AIMP1: variants seen among roughly 807,000 people sequenced by gnomAD.
The protein encoded by AIMP1 is aminoacyl tRNA synthetase complex interacting multifunctional protein 1.
A neutral mutation model predicts 33.1 loss-of-function variants in AIMP1; 24 were observed. The observed-to-expected ratio is 0.73, with a 90% CI of 0.53 to 1.02. The LOEUF (loss-of-function observed/expected upper bound fraction) is 1.02, where lower values mean the gene tolerates loss of function less well. AIMP1 is among the 50% of genes least tolerant of loss of function. AIMP1 has a pLI of 0.00. For synonymous variants in AIMP1, 120 were observed against 121.5 expected (o/e 0.99, Z 0.08); for missense variants, 367 against 364.8 (o/e 1.01, Z -0.05).
intron 5 of AIMP1, among the ~76,000 whole-genome samples, chr4:106,333,161 A>T (rs1769744995): frequency 6.6e-6 from 1 of 152,034 alleles, no homozygotes; most frequent in African/African-American, 2.4e-5. Context: ...ATTATTTGGT[A>T]TTTATCTTTA....
chr4:106,326,977 A>G (rs923105394), intron 2 of AIMP1, among the ~76,000 whole-genome samples: 1 of 152,012 alleles, frequency 6.6e-6, no homozygotes, highest in Non-Finnish European at 1.5e-5. Context: ...GGGTTTTGCC[A>G]TGTTGCCCAG....
At chr4:106,316,870 G>A in intron 1 of AIMP1, 2 of 411,564 alleles carry the variant, frequency 4.9e-6, no homozygotes, top group East Asian at 3.9e-5. Flanking sequence ...GTGAATGTGT[G>A]TGTCAAAGGA....
At chr4:106,319,244 T>A (rs1191497717) in intron 1 of AIMP1, among the ~76,000 whole-genome samples, 1 of 152,070 alleles carries the variant, frequency 6.6e-6, no homozygotes, top group African/African-American at 2.4e-5. Context: ...GGGGCAGAGA[T>A]TTTGCTTTTT....
chr4:106,340,268 C>T (rs1355890013), intron 6 of AIMP1, among the ~76,000 whole-genome samples: 1 of 149,128 alleles, frequency 6.7e-6, no homozygotes, highest in Non-Finnish European at 1.5e-5. Flanking sequence ...TAAAATTAAA[C>T]TAAGGTTTTT....
At chr4:106,317,134 G>A (rs917972014) in intron 1 of AIMP1, among the ~76,000 whole-genome samples, 1 of 152,158 alleles carries the variant, frequency 6.6e-6, no homozygotes, top group African/African-American at 2.4e-5. Flanking sequence ...GGGAAGAAGG[G>A]TATAAAGTGA....
In AIMP1 at chr4:106,347,448, A is replaced by C. The variant is rs1057246337; in HGVS notation, c.773-78A>C. ...AAATGTTGCCAAAACAATTCACTGG[A>C]AATCTCTGTGAATAGTCTCTTTAAT... On this transcript the variant is annotated intron_variant, in intron 6 of 6. Transcript: ENST00000672341. 53 of 1,346,398 alleles carry C rather than the reference A, an allele frequency of 3.9e-5. No homozygotes were observed. The African/African-American group carries it at 6.8e-4, about 17-fold the overall frequency. 83.4% of individuals were successfully genotyped at this position (1,346,398 alleles called of 1,614,324 possible). A position where few individuals can be genotyped will look rare whatever the true frequency, so the allele number is the denominator to read the frequency against.
chr4:106,344,344 C>G (rs928247316), intron 6 of AIMP1, among the ~76,000 whole-genome samples: 1 of 152,092 alleles, frequency 6.6e-6, no homozygotes, highest in African/African-American at 2.4e-5. Flanking sequence ...ATTCTTCCCC[C>G]TAGACTTTCA....
chr4:106,342,885 C>G (rs939705708), intron 6 of AIMP1, among the ~76,000 whole-genome samples: 1 of 149,308 alleles, frequency 6.7e-6, no homozygotes, highest in Admixed American at 6.7e-5. Flanking sequence ...AATTCAGCTG[C>G]GAATCTATCC....
At chr4:106,318,177 C>A (rs1242428343) in intron 1 of AIMP1, among the ~76,000 whole-genome samples, 2 of 152,134 alleles carry the variant, frequency 1.3e-5, no homozygotes, top group African/African-American at 4.8e-5. Context: ...TTTAGATATT[C>A]TTTTTATAGG....
rs1409506101 is a variant in AIMP1 at position 106,334,499 on chromosome 4, A to G, written c.604-2370A>G. Among the ~76,000 whole-genome samples the G allele has an allele frequency of 4.6e-5, 7 of 152,192 alleles. No homozygotes were observed. The East Asian group carries it at 1.4e-3, about 29-fold the overall frequency. On this transcript the variant is annotated intron_variant, in intron 5 of 6. Transcript: ENST00000672341. ...AGGCTGGTCTCAAACTCCTGACCTCAGGTGATCCGCCTGCCTTGGCCTCCC... is the reference window on the plus strand; with the variant it reads ...AGGCTGGTCTCAAACTCCTGACCTCGGGTGATCCGCCTGCCTTGGCCTCCC...
Position 106,328,126 on chromosome 4 carries a change from G to A in AIMP1, c.274G>A (p.Val92Ile). 1 of 1,613,390 alleles carries A rather than the reference G, an allele frequency of 6.2e-7. No individual in the cohort carries two copies. The highest frequency in any genetic ancestry group is 8.5e-7 in the Non-Finnish European group (1 of 1,179,682). Reference sequence around the variant, plus strand: ...TACTCCACTGCACGCTAATTCTATGGTTTCTGAAAATGTGATACAGTCTAC... The same window carrying A: ...TACTCCACTGCACGCTAATTCTATGATTTCTGAAAATGTGATACAGTCTAC... Reference protein sequence around the residue: ...SGTPLHANSMVSENVIQSTAV... With the variant: ...SGTPLHANSMISENVIQSTAV... The change falls in exon 4 of 7, where the codon GTT (valine) becomes ATT (isoleucine). Residue 92 changes from valine (V) to isoleucine (I), a missense_variant. Transcript: ENST00000672341.
At chr4:106,322,628 CT>C (rs1311026637) in intron 1 of AIMP1, among the ~76,000 whole-genome samples, 1 of 152,136 alleles carries the variant, frequency 6.6e-6, no homozygotes, top group Non-Finnish European at 1.5e-5. Context: ...CAAGATGAGA[CT>C]TTTTAACATT....
chr4:106,343,050 A>G (rs1770159137), intron 6 of AIMP1, among the ~76,000 whole-genome samples: 1 of 151,952 alleles, frequency 6.6e-6, no homozygotes, highest in African/African-American at 2.4e-5. Context: ...GACTATGGGC[A>G]TGCGCCACCA....
chr4:106,317,003 C>T (rs1191653797), intron 1 of AIMP1, among the ~76,000 whole-genome samples: 1 of 152,176 alleles, frequency 6.6e-6, no homozygotes, highest in Non-Finnish European at 1.5e-5. Context: ...GTGAACAAAA[C>T]AGACGGAAAT....
At position 106,328,209 on chromosome 4, in the gene AIMP1, C is replaced by G. The variant is rs146841053; in HGVS notation, c.357C>G (p.Asp119Glu). 3.7e-6 allele frequency: 6 copies of G among 1,610,524 alleles called. No individual in the cohort carries two copies. In the East Asian group the frequency reaches 1.1e-4, roughly 30 times the overall value. The change falls in exon 4 of 7, where the codon GAC (aspartate) becomes GAG (glutamate). Residue 119 changes from aspartate (D) to glutamate (E), a missense_variant. Coordinates refer to ENST00000672341, the MANE Select transcript of AIMP1 (RefSeq NM_001142416.2). Reference sequence around the variant, plus strand: ...AACAGATAAAAGGAGGAACAGGAGACGAAAAGAAAGCGAAAGAGAAAATTG... The same window carrying G: ...AACAGATAAAAGGAGGAACAGGAGAGGAAAAGAAAGCGAAAGAGAAAATTG... ...TKEQIKGGTG[D>E]EKKAKEKIEK...
At chr4:106,344,365 G>C (rs1350035378) in intron 6 of AIMP1, among the ~76,000 whole-genome samples, 1 of 152,006 alleles carries the variant, frequency 6.6e-6, no homozygotes, top group Non-Finnish European at 1.5e-5. Flanking sequence ...TTTTTCCATG[G>C]TATTTTTCAT....
intron 4 of AIMP1, among the ~76,000 whole-genome samples, chr4:106,329,921 T>C (rs1256554687): frequency 3.9e-5 from 6 of 151,930 alleles, no homozygotes; most frequent in African/African-American, 1.5e-4. Flanking sequence ...TAGCTGGGAC[T>C]ACAGGTGCAT....
chr4:106,316,487 C>CGAA, upstream of AIMP1: 1 of 1,503,484 alleles, frequency 6.7e-7, no homozygotes, highest in Non-Finnish European at 9.1e-7. Flanking sequence ...CTCAGGCTTT[C>CGAA]AGCAAGGACA....
At chr4:106,323,271 G>C (rs542575842) in intron 1 of AIMP1, among the ~76,000 whole-genome samples, 1 of 152,018 alleles carries the variant, frequency 6.6e-6, no homozygotes, top group African/African-American at 2.4e-5. Context: ...CAAAATTACT[G>C]TTATTCTTAG....
Sources: gnomAD v4.1 joint callset for allele counts (sites outside exome capture counted in the v4.1 genomes callset) on GRCh38, gnomAD v4.1.1 for gene constraint, MANE v1.5 for transcripts, NCBI Gene and HGNC (gene_info 2026-07-23, HGNC 2026-07-21) for gene names.